The following CDH13 variants were observed in gnomAD, a reference collection of about 807,000 sequenced individuals.
The protein encoded by CDH13 is cadherin-13.
In CDH13, 24 loss-of-function variants were observed where a neutral mutation model predicts 63.8. That is an observed-to-expected ratio of 0.38 (90% CI 0.27 to 0.53). The LOEUF is 0.53. Among genes scored for constraint, CDH13 ranks in the 20% least tolerant of loss-of-function variants. CDH13 has a pLI of 0.85. For synonymous variants in CDH13, 503 were observed against 355.3 expected, an observed-to-expected ratio of 1.42 and a Z score of -4.67; for missense variants, 1,049 against 903.1, an observed-to-expected ratio of 1.16 and a Z score of -2.07.
intron 7 of CDH13, among the ~76,000 whole-genome samples, chr16:83,505,895 T>G (rs778860124): frequency 3.9e-5 from 6 of 152,200 alleles, no homozygotes; most frequent in Non-Finnish European, 7.3e-5. Context: ...TTGCCAACAT[T>G]GCAAACGCAT....
At chr16:82,944,981 T>C (rs1406462655) in intron 2 of CDH13, among the ~76,000 whole-genome samples, 1 of 152,172 alleles carries the variant, frequency 6.6e-6, no homozygotes, top group African/African-American at 2.4e-5. Flanking sequence ...GTAGAAAATA[T>C]ATTATACTGG....
chr16:82,883,180 G>T (rs2040765074), intron 2 of CDH13, among the ~76,000 whole-genome samples: 1 of 152,230 alleles, frequency 6.6e-6, no homozygotes, highest in Non-Finnish European at 1.5e-5. Context: ...GTGCATGCCA[G>T]TTCCGTTGTG....
At chr16:83,249,977 T>G (rs1444341832) in intron 5 of CDH13, among the ~76,000 whole-genome samples, 1 of 152,210 alleles carries the variant, frequency 6.6e-6, no homozygotes, top group Non-Finnish European at 1.5e-5. Flanking sequence ...ATAGCCCTAT[T>G]GGTAACCAAC....
chr16:83,394,132 A>G (rs780128430), intron 6 of CDH13, among the ~76,000 whole-genome samples: 2 of 152,120 alleles, frequency 1.3e-5, no homozygotes, highest in Non-Finnish European at 2.9e-5. Context: ...GAAAAAAATA[A>G]CTATTGGTTA....
intron 1 of CDH13, among the ~76,000 whole-genome samples, chr16:82,750,015 G>C (rs1256779870): frequency 6.6e-6 from 1 of 152,178 alleles, no homozygotes; most frequent in Non-Finnish European, 1.5e-5. Context: ...CCAAAGATCA[G>C]ATTAAGAATC....
intron 2 of CDH13, among the ~76,000 whole-genome samples, chr16:82,987,575 C>A: frequency 6.6e-6 from 1 of 152,276 alleles, no homozygotes; most frequent in African/African-American, 2.4e-5. Context: ...CTGAGTTTCA[C>A]TATGTTGACC....
At chr16:83,467,713 C>T (rs2073352094) in intron 6 of CDH13, among the ~76,000 whole-genome samples, 1 of 152,174 alleles carries the variant, frequency 6.6e-6, no homozygotes, top group Non-Finnish European at 1.5e-5. Context: ...CTGCAGAACA[C>T]AGCCCCCAAG....
intron 4 of CDH13, among the ~76,000 whole-genome samples, chr16:83,150,957 T>A (rs770227009): frequency 6.6e-6 from 1 of 152,192 alleles, no homozygotes; most frequent in Non-Finnish European, 1.5e-5. Context: ...ATATACCCCA[T>A]CTTTTTTTTA....
chr16:82,801,166 A>G (rs536169984), intron 1 of CDH13, among the ~76,000 whole-genome samples: 1 of 152,162 alleles, frequency 6.6e-6, no homozygotes, highest in East Asian at 1.9e-4. Context: ...AACCTCTCAG[A>G]CTCACTCTCT....
chr16:83,546,170 A>T (rs900727910), intron 7 of CDH13, among the ~76,000 whole-genome samples: 2 of 152,132 alleles, frequency 1.3e-5, no homozygotes, highest in African/African-American at 4.8e-5. Context: ...GCATAATGAG[A>T]GGGAAGCATC....
intron 5 of CDH13, among the ~76,000 whole-genome samples, chr16:83,305,208 C>G (rs2089846623): frequency 6.6e-6 from 1 of 152,144 alleles, no homozygotes; most frequent in Non-Finnish European, 1.5e-5. Context: ...TGTAGGCATC[C>G]TCATTTCAGT....
chr16:82,864,544 C>T (rs1485471409), intron 2 of CDH13, among the ~76,000 whole-genome samples: 1 of 152,080 alleles, frequency 6.6e-6, no homozygotes, highest in Non-Finnish European at 1.5e-5. Context: ...ATAAAACCAT[C>T]ATTTCTCACG....
chr16:83,584,454 G>T (rs1329610631), intron 7 of CDH13, among the ~76,000 whole-genome samples: 2 of 152,186 alleles, frequency 1.3e-5, no homozygotes, highest in Non-Finnish European at 2.9e-5. Flanking sequence ...ACTGTGTCAA[G>T]AGCTCTGCAG....
chr16:83,147,347 C>T (rs1330093134), intron 4 of CDH13, among the ~76,000 whole-genome samples: 2 of 152,164 alleles, frequency 1.3e-5, no homozygotes, highest in African/African-American at 2.4e-5. Context: ...TCTAACTGTG[C>T]CCCTTTGCCT....
At chr16:83,216,408 ATATATATATATATATATAT>A (rs2039516983) in intron 4 of CDH13, among the ~76,000 whole-genome samples, 1 of 76,020 alleles carries the variant, frequency 1.3e-5, no homozygotes, top group Non-Finnish European at 2.6e-5. Flanking sequence ...ATATATATAT[ATATATATATATATATATAT>A]ATATATATAT....
intron 2 of CDH13, among the ~76,000 whole-genome samples, chr16:82,919,539 C>T (rs1002488141): frequency 6.6e-6 from 1 of 152,158 alleles, no homozygotes; most frequent in African/African-American, 2.4e-5. Flanking sequence ...AGGTCATGAT[C>T]TTGTTCTTTT....
At position 83,038,857 on chromosome 16, in the gene CDH13, C is replaced by G. The variant is rs4290460; in HGVS notation, c.366+6639C>G. On this transcript the variant is annotated intron_variant, in intron 3 of 13. Transcript: ENST00000567109. The stretch of plus-strand genomic sequence containing the variant: ...TTACTCTTTCTTTCTGAGTTAAGAA[C>G]TTGTAGCTTGCCTGATTATAGATCA... 2.1e-4 allele frequency among the ~76,000 whole-genome samples: 32 copies of G among 152,188 alleles called. 1 individual carries two copies. The highest frequency in any genetic ancestry group is 2.0e-3 in the Admixed American group (30 of 15,304).
intron 2 of CDH13, among the ~76,000 whole-genome samples, chr16:83,018,299 G>A (rs1473729163): frequency 2.0e-5 from 3 of 152,174 alleles, no homozygotes; most frequent in African/African-American, 7.2e-5. Context: ...TAGACGCTAA[G>A]TATCATGAAA....
intron 5 of CDH13, among the ~76,000 whole-genome samples, chr16:83,253,785 AT>A (rs1459350792): frequency 6.6e-6 from 1 of 152,236 alleles, no homozygotes; most frequent in African/African-American, 2.4e-5. Context: ...ATTTGTCATT[AT>A]GTACACACAG....
Sources: allele counts gnomAD v4.1 joint callset (sites outside exome capture counted in the v4.1 genomes callset), GRCh38; gene constraint gnomAD v4.1.1; transcripts MANE v1.5; gene names NCBI Gene and HGNC (gene_info 2026-07-23, HGNC 2026-07-21).